CDC42BPA: variants seen among roughly 807,000 people sequenced by gnomAD.
The protein encoded by CDC42BPA is serine/threonine-protein kinase MRCK alpha.
In CDC42BPA, 80 loss-of-function variants were observed where a neutral mutation model predicts 223.5. That is an observed-to-expected ratio of 0.36 (90% CI 0.30 to 0.43). The LOEUF (loss-of-function observed/expected upper bound fraction) is 0.43, where lower values mean the gene tolerates loss of function less well. Ranked by LOEUF, CDC42BPA falls within the 20% of genes least tolerant of loss-of-function variation. The pLI, the probability that CDC42BPA is intolerant of heterozygous loss-of-function variation, is 1.00. For synonymous variants in CDC42BPA, 694 were observed against 718.6 expected, an observed-to-expected ratio of 0.97 and a Z score of 0.55; for missense variants, 1,743 against 2,099.9, an observed-to-expected ratio of 0.83 and a Z score of 3.32.
chr1:227,029,169 C>G lies in CDC42BPA; in HGVS notation c.3920G>C (p.Gly1307Ala). 1.2e-6 allele frequency: 2 copies of G among 1,603,376 alleles called. No homozygotes were observed. The highest frequency in any genetic ancestry group is 1.7e-6 in the Non-Finnish European group (2 of 1,179,968). Residue 1307 changes from glycine (G) to alanine (A), a missense_variant, in exon 30 of 37, where the codon GGA (glycine) becomes GCA (alanine). Physicochemically the swap from Gly to Ala is moderately conservative, Grantham distance 60 (BLOSUM62 0). Around this residue, in one of 6 missense-constraint regions of CDC42BPA, gnomAD observed 678 missense variants for 777.5 expected, o/e 0.87. Coordinates refer to ENST00000366766, the MANE Select transcript of CDC42BPA (RefSeq NM_001394014.1). Reference protein sequence around the residue: ...PNDQLVAVISGRNRHVRLFPM... With the variant: ...PNDQLVAVISARNRHVRLFPM... ...AAAAAGTCGTACATGACGATTTCGT[C>G]CTGAGATCACAGCAACAAGCTGATC...
At chr1:227,239,417 AC>A (rs771764623) in intron 2 of CDC42BPA, among the ~76,000 whole-genome samples, 1 of 152,166 alleles carries the variant, frequency 6.6e-6, no homozygotes, top group Non-Finnish European at 1.5e-5. Context: ...TAAACTACAG[AC>A]TTTGGGTAAT....
chr1:227,295,166 G>T (rs10916118), intron 1 of CDC42BPA, among the ~76,000 whole-genome samples: 29,839 of 151,786 alleles, frequency 0.2, 3,011 homozygotes, highest in East Asian at 0.26. Context: ...ACATATATAT[G>T]AAATATAATT....
At chr1:227,100,781 T>TGTGTGTGTGTGTGTGTGTGC (rs1488030733) in intron 15 of CDC42BPA, among the ~76,000 whole-genome samples, 1 of 149,788 alleles carries the variant, frequency 6.7e-6, no homozygotes. Flanking sequence ...TGTGTGTGCG[T>TGTGTGTGTGTGTGTGTGTGC]GTGCCATCAT....
At chr1:227,252,091 C>A (rs1164895879) in intron 2 of CDC42BPA, among the ~76,000 whole-genome samples, 4 of 151,620 alleles carry the variant, frequency 2.6e-5, no homozygotes, top group Admixed American at 6.6e-5. Flanking sequence ...AAAAGAAGGG[C>A]TAGATATCAA....
chr1:227,294,889 G>C (rs150517199), intron 1 of CDC42BPA, among the ~76,000 whole-genome samples: 2 of 106,142 alleles, frequency 1.9e-5, no homozygotes, highest in African/African-American at 6.7e-5. Context: ...AAAAAAAAGA[G>C]GTTAATTAAC....
chr1:227,155,662 T>C (rs1218098464), intron 6 of CDC42BPA, among the ~76,000 whole-genome samples: 13 of 152,166 alleles, frequency 8.5e-5, no homozygotes, highest in Non-Finnish European at 1.5e-4. Context: ...TGAGGATAAA[T>C]TGGTGACAAT....
intron 1 of CDC42BPA, among the ~76,000 whole-genome samples, chr1:227,305,928 T>C (rs1222981771): frequency 1.3e-5 from 2 of 152,178 alleles, no homozygotes; most frequent in Non-Finnish European, 2.9e-5. Flanking sequence ...ATCGTGCCAT[T>C]GCACTCCAGC....
At chr1:227,200,949 A>G (rs1671644456) in intron 3 of CDC42BPA, among the ~76,000 whole-genome samples, 2 of 152,174 alleles carry the variant, frequency 1.3e-5, no homozygotes, top group Non-Finnish European at 2.9e-5. Context: ...AGGTGCAGAT[A>G]AATAGCTTTA....
chr1:227,287,225 T>C (rs905578148), intron 1 of CDC42BPA, among the ~76,000 whole-genome samples: 1 of 152,180 alleles, frequency 6.6e-6, no homozygotes, highest in Non-Finnish European at 1.5e-5. Flanking sequence ...AAAAGTACTG[T>C]TTCGTATTGT....
intron 2 of CDC42BPA, among the ~76,000 whole-genome samples, chr1:227,246,413 C>T (rs1455002664): frequency 1.3e-5 from 2 of 152,178 alleles, no homozygotes; most frequent in East Asian, 3.9e-4. Flanking sequence ...GGGCCTTGGG[C>T]AAGGCCCAGT....
intron 14 of CDC42BPA, among the ~76,000 whole-genome samples, chr1:227,107,076 T>C (rs1686060680): frequency 6.6e-6 from 1 of 152,202 alleles, no homozygotes; most frequent in South Asian, 2.1e-4. Context: ...CAGCTTTTTA[T>C]TTCTGCAAAA....
intron 3 of CDC42BPA, among the ~76,000 whole-genome samples, chr1:227,205,268 C>CAAAAAAA (rs1158919272): frequency 3.1e-4 from 34 of 110,148 alleles, no homozygotes; most frequent in African/African-American, 1.3e-3. Flanking sequence ...GACTCTGTCT[C>CAAAAAAA]AAAAAAAAAA....
chr1:227,060,030 G>GTTTTTTTTTT (rs66527313), intron 21 of CDC42BPA, among the ~76,000 whole-genome samples: 2 of 117,668 alleles, frequency 1.7e-5, no homozygotes, highest in African/African-American at 3.2e-5. Context: ...GTTTTTTTTT[G>GTTTTTTTTTT]TTTTTTTTTT....
intron 21 of CDC42BPA, among the ~76,000 whole-genome samples, chr1:227,052,735 A>C (rs909409444): frequency 6.6e-6 from 1 of 152,236 alleles, no homozygotes; most frequent in African/African-American, 2.4e-5. Context: ...AACAATGTTT[A>C]GATCAGAAAT....
chr1:227,135,794 C>T (rs1443661308), intron 10 of CDC42BPA, among the ~76,000 whole-genome samples: 1 of 132,402 alleles, frequency 7.6e-6, no homozygotes, highest in Non-Finnish European at 1.6e-5. Context: ...GCGGAGGTTG[C>T]AGTGAACCGA....
At chr1:227,243,057 C>A (rs1418113132) in intron 2 of CDC42BPA, among the ~76,000 whole-genome samples, 2 of 152,194 alleles carry the variant, frequency 1.3e-5, no homozygotes. Flanking sequence ...TTATGCTCTG[C>A]AAACTAACAC....
intron 10 of CDC42BPA, among the ~76,000 whole-genome samples, chr1:227,130,853 CA>C (rs35556512): frequency 0.29 from 42,972 of 150,468 alleles, 6,289 homozygotes; most frequent in African/African-American, 0.35. Flanking sequence ...GACTCTGTCT[CA>C]AAAAAAAACA....
At chr1:227,168,053 G>A (rs1364599784) in intron 5 of CDC42BPA, among the ~76,000 whole-genome samples, 1 of 151,900 alleles carries the variant, frequency 6.6e-6, no homozygotes, top group Non-Finnish European at 1.5e-5. Flanking sequence ...AGCCTCCTGA[G>A]TAGCTGGGAT....
chr1:227,306,823 G>C (rs570362284), intron 1 of CDC42BPA, among the ~76,000 whole-genome samples: 2 of 152,220 alleles, frequency 1.3e-5, no homozygotes, highest in African/African-American at 2.4e-5. Context: ...TTTCAAACAA[G>C]TATTTTTTAA....
Sources: gnomAD v4.1 joint callset for allele counts (sites outside exome capture counted in the v4.1 genomes callset) on GRCh38, gnomAD v4.1.1 for gene constraint, gnomAD v4.1.1 regional missense constraint, MANE v1.5 for transcripts, NCBI Gene and HGNC (gene_info 2026-07-23, HGNC 2026-07-21) for gene names.